The following KIF1A variants were observed in gnomAD, a reference collection of about 807,000 sequenced individuals.
KIF1A encodes kinesin family member 1A.
A neutral mutation model predicts 227.3 loss-of-function variants in KIF1A; 46 were observed. That is an observed-to-expected ratio of 0.20 (90% CI 0.16 to 0.26). The LOEUF (loss-of-function observed/expected upper bound fraction) is 0.26. KIF1A is among the 10% of genes least tolerant of loss of function. The probability of loss-of-function intolerance (pLI) is 1.00; values close to 1 mark genes in which losing one functional copy is unlikely to be tolerated. For missense variants in KIF1A, 1,683 were observed against 2,485.9 expected, an observed-to-expected ratio of 0.68 and a Z score of 6.87; for synonymous variants, 1,022 against 1,012.8, an observed-to-expected ratio of 1.01 and a Z score of -0.17.
At chr2:240,815,525 C>T (rs1477817229) in intron 1 of KIF1A, among the ~76,000 whole-genome samples, 6 of 152,146 alleles carry the variant, frequency 3.9e-5, no homozygotes, top group African/African-American at 1.4e-4. Context: ...GAACAAGAGA[C>T]ACTGAGACCC....
rs1164431203 is a variant in KIF1A, at chr2:240,790,413, G to A, written c.107-1101C>T. The stretch of plus-strand genomic sequence containing the variant: ...GATGAGGCTGTGTCTGCCCCGGATT[G>A]GTTTTCCTCAGCCAGCGTGGGCTGG... On this transcript the variant is annotated intron_variant, in intron 2 of 48. Transcript: ENST00000498729. The surrounding 1 kb of genome is among the most constrained non-coding windows in gnomAD (Gnocchi z 5.0). Among the ~76,000 whole-genome samples the A allele has an allele frequency of 6.6e-6, 1 of 152,134 alleles. No individual in the cohort carries two copies. The highest frequency in any genetic ancestry group is 6.5e-5 in the Admixed American group (1 of 15,290).
intron 1 of KIF1A, among the ~76,000 whole-genome samples, chr2:240,809,966 T>C (rs567430281): frequency 3.3e-5 from 5 of 152,162 alleles, no homozygotes; most frequent in Non-Finnish European, 5.9e-5. Flanking sequence ...CACCTATTTT[T>C]ATTTTTATTT....
At chr2:240,773,061 CT>C in intron 13 of KIF1A, 52 bp downstream of exon 13, 1 of 1,537,352 alleles carries the variant, frequency 6.5e-7, no homozygotes, top group Non-Finnish European at 8.8e-7. Flanking sequence ...TGCGAGGCCC[CT>C]GAGCCTGAGG....
intron 1 of KIF1A, among the ~76,000 whole-genome samples, chr2:240,800,997 CTTTTAT>C (rs111772073): frequency 0.44 from 66,958 of 151,300 alleles, 15,938 homozygotes; most frequent in African/African-American, 0.63. Context: ...CCTCTACACT[CTTTTAT>C]TTTTATTTTT....
chr2:240,810,429 C>T (rs898511677), intron 1 of KIF1A, among the ~76,000 whole-genome samples: 1 of 152,168 alleles, frequency 6.6e-6, no homozygotes, highest in Admixed American at 6.5e-5. Flanking sequence ...GCACACCAAA[C>T]GCTGTCAGAA....
chr2:240,756,121 C>T (rs1216890578), intron 27 of KIF1A, among the ~76,000 whole-genome samples: 3 of 152,114 alleles, frequency 2.0e-5, no homozygotes, highest in African/African-American at 7.2e-5. Context: ...TTCCTTCCAC[C>T]ATCTCCACCC....
intron 37 of KIF1A, among the ~76,000 whole-genome samples, chr2:240,737,995 C>T (rs2047546215): frequency 6.6e-6 from 1 of 152,230 alleles, no homozygotes; most frequent in Admixed American, 6.5e-5. Context: ...CTTTGCAGCA[C>T]TTAGGTCCTG....
intron 1 of KIF1A, among the ~76,000 whole-genome samples, chr2:240,806,246 C>T (rs2057395792): frequency 1.3e-5 from 2 of 152,200 alleles, no homozygotes; most frequent in Admixed American, 1.3e-4. Flanking sequence ...GGTTGTGAGT[C>T]AGAGTTCTGG....
Position 240,773,204 on chromosome 2 carries a change from G to A in KIF1A, c.1090C>T (p.Pro364Ser). 1 of 1,613,946 alleles carries A rather than the reference G, an allele frequency of 6.2e-7. No homozygotes were observed. Among genetic ancestry groups the A allele is most frequent in the Non-Finnish European group, 8.5e-7 (1 of 1,179,840 alleles). The change falls in exon 13 of 49, where the codon CCC (proline) becomes TCC (serine). Residue 364 changes from proline to serine, a missense_variant. Physicochemically the swap from Pro to Ser is moderately conservative, Grantham distance 74 (BLOSUM62 -1). This residue lies in a region of KIF1A where 110 missense variants were observed against 133.1 expected (regional missense o/e 0.83). Coordinates refer to ENST00000498729, the MANE Select transcript of KIF1A (RefSeq NM_001244008.2). The part of the protein sequence containing the change: ...IRCNAVINED[P>S]NNKLIRELKD... ...AGCTCGCGGATCAGCTTGTTGTTGGGGTCCTCATTGATGACAGCATTGCAG... is the reference window on the plus strand; with the variant it reads ...AGCTCGCGGATCAGCTTGTTGTTGGAGTCCTCATTGATGACAGCATTGCAG...
At chr2:240,751,012 GA>G (rs923876220) in intron 27 of KIF1A, among the ~76,000 whole-genome samples, 4 of 152,146 alleles carry the variant, frequency 2.6e-5, no homozygotes, top group South Asian at 2.1e-4. Flanking sequence ...TCCCCAGACA[GA>G]AACTCGGCAG....
In KIF1A at chr2:240,766,158, G is replaced by A. The variant is rs1409705253; in HGVS notation, c.1685-365C>T. Among the ~76,000 whole-genome samples the A allele has an allele frequency of 6.6e-6, 1 of 152,246 alleles. No individual in the cohort carries two copies. Among genetic ancestry groups the A allele is most frequent in the Non-Finnish European group, 1.5e-5 (1 of 68,038 alleles). ...AGGAGAGGGTAGGCAGGGCTTTGCA[G>A]TCAGAGAATTCCAGGAGAGCCAATC... On this transcript the variant is annotated intron_variant, in intron 19 of 48. Coordinates refer to ENST00000498729, the MANE Select transcript of KIF1A (RefSeq NM_001244008.2). The surrounding 1 kb of genome is among the most constrained non-coding windows in gnomAD (Gnocchi z 5.0).
At position 240,736,245 on chromosome 2, in the gene KIF1A, C is replaced by T. The variant is rs964018743; in HGVS notation, c.4007+818G>A. Among the ~76,000 whole-genome samples, 7 of 152,150 alleles carry T rather than the reference C, an allele frequency of 4.6e-5. No homozygotes were observed. Among genetic ancestry groups the T allele is most frequent in the African/African-American group, 1.4e-4 (6 of 41,440 alleles). ...ACAAACACAGCCATGGAGACACCTGCGGCTTCAGCTCTGAGGGTCCACTCT... is the reference window on the plus strand; with the variant it reads ...ACAAACACAGCCATGGAGACACCTGTGGCTTCAGCTCTGAGGGTCCACTCT... On this transcript the variant is annotated intron_variant, in intron 38 of 48. Coordinates refer to ENST00000498729, the MANE Select transcript of KIF1A (RefSeq NM_001244008.2). The surrounding 1 kb of genome is among the most constrained non-coding windows in gnomAD (Gnocchi z 4.7).
chr2:240,767,936 T>G (rs533356107), intron 17 of KIF1A, among the ~76,000 whole-genome samples: 2 of 152,270 alleles, frequency 1.3e-5, no homozygotes, highest in East Asian at 3.9e-4. Context: ...GGCACCCCCA[T>G]GCAGAGAGGT....
rs1371899284 is a variant in KIF1A at position 240,716,556 on chromosome 2, A to G, written c.*808T>C. Reference sequence around the variant, plus strand: ...GCCGTCTGCCTCATCTCAGAGCCAGAGCCGAGTGTCACCCCTCACCCTTTC... The same window carrying G: ...GCCGTCTGCCTCATCTCAGAGCCAGGGCCGAGTGTCACCCCTCACCCTTTC... On this transcript the variant is annotated 3_prime_UTR_variant, in exon 49 of 49. Coordinates refer to ENST00000498729, the MANE Select transcript of KIF1A (RefSeq NM_001244008.2). 2.6e-5 allele frequency: 4 copies of G among 152,272 alleles called. No homozygotes were observed. Among genetic ancestry groups the G allele is most frequent in the Non-Finnish European group, 5.9e-5 (4 of 68,046 alleles). The allele number at this position is 152,272 out of a possible 1,614,324, so 9.4% of individuals were successfully genotyped here.
chr2:240,762,671 T>C, intron 23 of KIF1A, 48 bp downstream of exon 23: 1 of 1,512,724 alleles, frequency 6.6e-7, no homozygotes, highest in Non-Finnish European at 8.9e-7. Flanking sequence ...CCCACCTCCA[T>C]GCTGAGACCC....
At chr2:240,819,444 C>A (rs1194494631) in intron 1 of KIF1A, among the ~76,000 whole-genome samples, 1 of 152,108 alleles carries the variant, frequency 6.6e-6, no homozygotes, top group Non-Finnish European at 1.5e-5. Context: ...GGGTCTCTGG[C>A]GTGGGAGGGG....
At chr2:240,808,686 A>G (rs1378896539) in intron 1 of KIF1A, among the ~76,000 whole-genome samples, 2 of 151,972 alleles carry the variant, frequency 1.3e-5, no homozygotes, top group African/African-American at 4.8e-5. Context: ...AAAATAAATA[A>G]ATAAAATAAT....
chr2:240,794,811 G>A (rs13383862), intron 2 of KIF1A, among the ~76,000 whole-genome samples: 2,013 of 152,214 alleles, frequency 0.013, 35 homozygotes, highest in African/African-American at 0.045. Flanking sequence ...TTTGCTTGCC[G>A]GCAACCTGGG....
At chr2:240,821,202 C>T (rs1038554967), upstream of KIF1A, among the ~76,000 whole-genome samples, 1 of 152,240 alleles carries the variant, frequency 6.6e-6, no homozygotes, top group Non-Finnish European at 1.5e-5. Flanking sequence ...TCCAGCCCAG[C>T]CCCTGCCATC....
Sources: gnomAD v4.1 joint callset for allele counts (sites outside exome capture counted in the v4.1 genomes callset) on GRCh38, gnomAD v4.1.1 for gene constraint, gnomAD v4.1.1 regional missense constraint, Gnocchi (gnomAD v3.1) non-coding constraint, MANE v1.5 for transcripts, NCBI Gene and HGNC (gene_info 2026-07-23, HGNC 2026-07-21) for gene names.